The following ZNF883 variants were observed in gnomAD, a reference collection of about 807,000 sequenced individuals.
ZNF883 encodes zinc finger protein 883.
At chr9:113,010,716 G>A (rs1001605437) in intron 2 of ZNF883, among the ~76,000 whole-genome samples, 5 of 152,182 alleles carry the variant, frequency 3.3e-5, no homozygotes, top group Admixed American at 2.0e-4. Flanking sequence ...GGCCGGGCAC[G>A]GTGACTCACA....
chr9:112,991,552 T>C (rs764349398), intron 1 of ZNF883, among the ~76,000 whole-genome samples: 7 of 152,206 alleles, frequency 4.6e-5, no homozygotes, highest in Non-Finnish European at 1.0e-4. Flanking sequence ...GAGAAGAATG[T>C]ACATTCTGTT....
At chr9:113,011,790 C>T (rs370689541) in intron 1 of ZNF883, among the ~76,000 whole-genome samples, 1 of 152,080 alleles carries the variant, frequency 6.6e-6, no homozygotes, top group African/African-American at 2.4e-5. Context: ...GGGGTGGTTG[C>T]CCCTCCCCAG....
chr9:113,002,347 A>G (rs974768719), upstream of ZNF883, among the ~76,000 whole-genome samples: 2 of 152,228 alleles, frequency 1.3e-5, no homozygotes, highest in African/African-American at 4.8e-5. Context: ...TGCAGCCAAT[A>G]GAAGCCTAAG....
chr9:113,002,683 TTTC>T (rs560711169), upstream of ZNF883, among the ~76,000 whole-genome samples: 62 of 152,346 alleles, frequency 4.1e-4, no homozygotes, highest in African/African-American at 1.2e-3. Flanking sequence ...ACAGCTTGTT[TTTC>T]TTTTAATCAT....
At chr9:113,003,266 A>G (rs181113913) in intron 2 of ZNF883, among the ~76,000 whole-genome samples, 56 of 152,198 alleles carry the variant, frequency 3.7e-4, no homozygotes, top group Admixed American at 3.6e-3. Flanking sequence ...CTGCCTGCAT[A>G]AGCTCTCTCT....
downstream of ZNF883, among the ~76,000 whole-genome samples, chr9:112,995,244 C>G (rs949886566): frequency 3.3e-5 from 5 of 152,144 alleles, no homozygotes; most frequent in African/African-American, 1.2e-4. Flanking sequence ...TGTCTTCAAG[C>G]TGGGACACTA....
upstream of ZNF883, chr9:112,999,845 A>T (rs1463845367): frequency 2.0e-5 from 3 of 152,138 alleles, no homozygotes; most frequent in African/African-American, 4.8e-5. Context: ...ACTGTTTAAG[A>T]ATTTGTATAG....
At chr9:112,993,815 G>A (rs1321604091), downstream of ZNF883, among the ~76,000 whole-genome samples, 2 of 152,238 alleles carry the variant, frequency 1.3e-5, no homozygotes, top group African/African-American at 4.8e-5. Context: ...CTGGCCTAAA[G>A]AGACAGTCTG....
At chr9:113,004,178 A>G (rs1828453838) in intron 2 of ZNF883, among the ~76,000 whole-genome samples, 1 of 152,248 alleles carries the variant, frequency 6.6e-6, no homozygotes, top group Non-Finnish European at 1.5e-5. Context: ...AAAGATTTCC[A>G]GCAAACCACC....
At chr9:112,988,579 A>G (rs1261866984) in intron 1 of ZNF883, among the ~76,000 whole-genome samples, 1 of 151,994 alleles carries the variant, frequency 6.6e-6, no homozygotes, top group Non-Finnish European at 1.5e-5. Flanking sequence ...GGTTGATTCC[A>G]TGTCTTTGCT....
chr9:112,997,915 A>C (rs200439640), exon 1 of ZNF883: 45 of 1,613,586 alleles, frequency 2.8e-5, no homozygotes, highest in Non-Finnish European at 3.5e-5. Flanking sequence ...GGATTCTCTC[A>C]TGATTTCTAA....
At chr9:113,001,444 A>G (rs1331803691), upstream of ZNF883, among the ~76,000 whole-genome samples, 1 of 152,106 alleles carries the variant, frequency 6.6e-6, no homozygotes, top group Non-Finnish European at 1.5e-5. Flanking sequence ...TCTGAGATCA[A>G]GAGATATGTG....
At chr9:112,998,557 G>C (rs1406014243), upstream of ZNF883, 1 of 222,858 alleles carries the variant, frequency 4.5e-6, no homozygotes, top group Non-Finnish European at 8.7e-6. Context: ...ATATTATATG[G>C]AAAATTCCAG....
At chr9:112,996,868 G>T (rs958109840), downstream of ZNF883, among the ~76,000 whole-genome samples, 1 of 135,118 alleles carries the variant, frequency 7.4e-6, no homozygotes, top group Admixed American at 8.0e-5. Flanking sequence ...AATTATCTCT[G>T]AAAGTAACTT....
chr9:113,004,688 T>C (rs997863813), intron 2 of ZNF883, among the ~76,000 whole-genome samples: 8 of 151,924 alleles, frequency 5.3e-5, no homozygotes, highest in South Asian at 2.1e-4. Flanking sequence ...AAGAAATGTT[T>C]GTTGTTTAAG....
chr9:113,002,067 C>T (rs10981592), upstream of ZNF883: 2 of 151,890 alleles, frequency 1.3e-5, no homozygotes, highest in Non-Finnish European at 2.9e-5. Flanking sequence ...TCCAATGCCA[C>T]GGGTTCCTAA....
At chr9:113,006,677 C>T (rs1828479908) in intron 2 of ZNF883, among the ~76,000 whole-genome samples, 1 of 152,066 alleles carries the variant, frequency 6.6e-6, no homozygotes, top group African/African-American at 2.4e-5. Flanking sequence ...TGAATCTGTC[C>T]AAATTACCTT....
At chr9:112,996,597 C>A (rs1335172075), downstream of ZNF883, among the ~76,000 whole-genome samples, 2 of 150,524 alleles carry the variant, frequency 1.3e-5, no homozygotes, top group Non-Finnish European at 3.0e-5. Flanking sequence ...CGAGACCATC[C>A]TGGCTAACAC....
At chr9:113,004,297 A>C (rs1017976292) in intron 2 of ZNF883, among the ~76,000 whole-genome samples, 2 of 152,206 alleles carry the variant, frequency 1.3e-5, no homozygotes, top group Non-Finnish European at 2.9e-5. Context: ...GAGATAATAA[A>C]TTTATATTGT....
Sources: gnomAD v4.1 joint callset for allele counts (sites outside exome capture counted in the v4.1 genomes callset) on GRCh38, gnomAD v4.1.1 for gene constraint, MANE v1.5 for transcripts, NCBI Gene and HGNC (gene_info 2026-07-23, HGNC 2026-07-21) for gene names.